Variants in CELF5 observed in about 807,000 individuals in gnomAD.
CELF5 encodes the protein CUGBP Elav-like family member 5.
Under a neutral mutation model 54.9 loss-of-function variants are expected in CELF5, and 6 were observed. The observed-to-expected ratio is 0.11, with a 90% CI of 0.06 to 0.22. The LOEUF (loss-of-function observed/expected upper bound fraction) is 0.22. Among genes scored for constraint, CELF5 ranks in the 10% least tolerant of loss-of-function variants. The pLI is 1.00. For synonymous variants in CELF5, 271 were observed against 290.9 expected (o/e 0.93, Z 0.70); for missense variants, 401 against 678.6 (o/e 0.59, Z 4.54).
chr19:3,246,401 T>G (rs1413057873), intron 1 of CELF5, among the ~76,000 whole-genome samples: 1 of 151,262 alleles, frequency 6.6e-6, no homozygotes, highest in Admixed American at 6.6e-5. Flanking sequence ...CTCTCTCATA[T>G]GTATATATAT....
chr19:3,279,983 A>G (rs868545943), intron 5 of CELF5, among the ~76,000 whole-genome samples: 1 of 152,104 alleles, frequency 6.6e-6, no homozygotes, highest in South Asian at 2.1e-4. Flanking sequence ...GATTACAGGC[A>G]TGAGCCACTG....
rs1568343177 is a variant in CELF5, at chr19:3,257,785, T to TTTATTTA, written c.342+6720_342+6721insATTTATT. The stretch of plus-strand genomic sequence containing the variant: ...GCCACCATGCCCAGCCTCCATTTTT[T>TTTATTTA]TTTATTTATTTATTTATTTATTTAT... On this transcript the variant is annotated intron_variant, in intron 2 of 12. Transcript: ENST00000292672. 4.5e-3 allele frequency among the ~76,000 whole-genome samples: 365 copies of TTTATTTA among 80,616 alleles called. 9 individuals are homozygous for TTTATTTA. The highest frequency in any genetic ancestry group is 0.027 in the Middle Eastern group (4 of 146). The allele number at this position is 80,616 out of a possible 152,430, so 52.9% of individuals were successfully genotyped here. A position where few individuals can be genotyped will look rare whatever the true frequency, so the allele number is the denominator to read the frequency against.
rs1917056985 is a variant in CELF5 at position 3,228,545 on chromosome 19, C to T, written c.259+3547C>T. ...CACTGGGCCCCCCGTTTATGGTAAT[C>T]GCATATACATTTGCATGTTAATGAC... On this transcript the variant is annotated intron_variant, in intron 1 of 12. Coordinates refer to ENST00000292672, the MANE Select transcript of CELF5 (RefSeq NM_021938.4). The surrounding 1 kb of genome is among the most constrained non-coding windows in gnomAD (Gnocchi z 6.0). Among the ~76,000 whole-genome samples, 1 of 151,938 alleles carries T rather than the reference C, an allele frequency of 6.6e-6. No individual in the cohort carries two copies. The highest frequency in any genetic ancestry group is 1.5e-5 in the Non-Finnish European group (1 of 68,010).
chr19:3,243,435 A>G (rs959484693), intron 1 of CELF5, among the ~76,000 whole-genome samples: 6 of 152,052 alleles, frequency 3.9e-5, no homozygotes, highest in Admixed American at 2.0e-4. Context: ...CACATGCCAC[A>G]ACACCCAGCT....
At chr19:3,284,691 T>A in intron 8 of CELF5, 1 of 582,296 alleles carries the variant, frequency 1.7e-6, no homozygotes, top group Non-Finnish European at 3.1e-6. Context: ...AAACCCGGAT[T>A]CCAGTTCAGC....
chr19:3,237,394 G>A (rs8103081), intron 1 of CELF5, among the ~76,000 whole-genome samples: 35,430 of 150,746 alleles, frequency 0.24, 4,163 homozygotes, highest in African/African-American at 0.28. Context: ...CTTGTTGGCA[G>A]TTTTTATGGT....
In CELF5 at chr19:3,292,412, T is replaced by C. The variant is rs1321089129; in HGVS notation, c.1331-907T>C. Among the ~76,000 whole-genome samples, 5 of 151,124 alleles carry C rather than the reference T, an allele frequency of 3.3e-5. No homozygotes were observed. In the Admixed American group the frequency reaches 3.3e-4, roughly 10 times the overall value. ...GATTCTCCTGCCTCAGCCTCCTGAG[T>C]AGCTGGGATTACGGGTGGACACTAC... On this transcript the variant is annotated intron_variant, in intron 11 of 12. Transcript: ENST00000292672.
At position 3,275,814 on chromosome 19, in the gene CELF5, G is replaced by A; in HGVS notation, c.395-42G>A. On this transcript the variant is annotated intron_variant, in intron 3 of 12. Transcript: ENST00000292672. The surrounding 1 kb of genome is among the most constrained non-coding windows in gnomAD (Gnocchi z 6.7). ...AGGGAGGAATCCCGGAGGCCCTCCC[G>A]GAGGCCGGGGACTCGGCTGAGGTGG... 2 of 1,579,248 alleles carry A rather than the reference G, an allele frequency of 1.3e-6. No individual in the cohort carries two copies. The highest frequency in any genetic ancestry group is 8.6e-7 in the Non-Finnish European group (1 of 1,156,774).
intron 2 of CELF5, among the ~76,000 whole-genome samples, chr19:3,254,717 A>G (rs1359848549): frequency 2.0e-5 from 3 of 150,404 alleles, no homozygotes; most frequent in Non-Finnish European, 3.0e-5. Context: ...CCATCCATCT[A>G]CCATTCATCC....
rs1254803497 is a variant in CELF5, at chr19:3,225,048, C to T, written c.259+50C>T. The stretch of plus-strand genomic sequence containing the variant: ...TCTCCCCCTCCCTCCGCCTCCCACC[C>T]CACCTTCCGGCATCTTCTCTCCCCC... On this transcript the variant is annotated intron_variant, in intron 1 of 12. Transcript: ENST00000292672. The T allele has an allele frequency of 2.3e-6, 3 of 1,288,886 alleles. No homozygotes were observed. In the African/African-American group the frequency reaches 4.8e-5, roughly 20 times the overall value. 79.8% of individuals were successfully genotyped at this position (1,288,886 alleles called of 1,614,324 possible). A position where few individuals can be genotyped will look rare whatever the true frequency, so the allele number is the denominator to read the frequency against.
At chr19:3,226,476 A>AC (rs1555715644) in intron 1 of CELF5, among the ~76,000 whole-genome samples, 29 of 150,974 alleles carry the variant, frequency 1.9e-4, no homozygotes, top group Non-Finnish European at 4.1e-4. Context: ...ACACACACAC[A>AC]AAATTGGGCC....
intron 1 of CELF5, among the ~76,000 whole-genome samples, chr19:3,245,261 G>T (rs1261479254): frequency 6.8e-6 from 1 of 147,102 alleles, no homozygotes; most frequent in Non-Finnish European, 1.5e-5. Flanking sequence ...TATGTGGTGT[G>T]TGTATGCATC....
At chr19:3,239,619 C>G (rs2079463009) in intron 1 of CELF5, among the ~76,000 whole-genome samples, 2 of 151,806 alleles carry the variant, frequency 1.3e-5, no homozygotes, top group African/African-American at 2.4e-5. Flanking sequence ...CAGGGAGCCA[C>G]CATTCAACCC....
rs1274639046 is a variant in CELF5 at position 3,228,274 on chromosome 19, A to G, written c.259+3276A>G. Reference sequence around the variant, plus strand: ...AAGACCACAAGCCTGCTCCTGCCAGAACTCCGCATCCAGAGAGCGGGGACC... The same window carrying G: ...AAGACCACAAGCCTGCTCCTGCCAGGACTCCGCATCCAGAGAGCGGGGACC... On this transcript the variant is annotated intron_variant, in intron 1 of 12. Transcript: ENST00000292672. The surrounding 1 kb of genome is among the most constrained non-coding windows in gnomAD (Gnocchi z 6.0). Among the ~76,000 whole-genome samples, 1 of 151,918 alleles carries G rather than the reference A, an allele frequency of 6.6e-6. No homozygotes were observed. Among genetic ancestry groups the G allele is most frequent in the Admixed American group, 6.6e-5 (1 of 15,258 alleles).
At chr19:3,265,086 C>T (rs562424902) in intron 2 of CELF5, among the ~76,000 whole-genome samples, 31 of 152,244 alleles carry the variant, frequency 2.0e-4, no homozygotes, top group Admixed American at 1.3e-4. Context: ...CCTGTAATCC[C>T]GGTGCTTTGG....
At chr19:3,235,061 C>T (rs570570701) in intron 1 of CELF5, among the ~76,000 whole-genome samples, 16 of 152,240 alleles carry the variant, frequency 1.1e-4, no homozygotes, top group African/African-American at 3.9e-4. Flanking sequence ...ATCCCCTGCC[C>T]CCTCTCTCCT....
In CELF5 at chr19:3,266,061, C is replaced by T. The variant is rs144277812; in HGVS notation, c.343-7811C>T. On this transcript the variant is annotated intron_variant, in intron 2 of 12. Transcript: ENST00000292672. ...ACCTCAGGTGATCTGCCCATCTTGA[C>T]CTCTGAAAGTGCTGGAATTACAGGC... is the stretch of plus-strand genomic sequence containing the variant. 2.6e-5 allele frequency among the ~76,000 whole-genome samples: 4 copies of T among 152,298 alleles called. No individual in the cohort carries two copies. The East Asian group carries it at 7.7e-4, about 29-fold the overall frequency.
At chr19:3,238,950 T>A (rs1313013047) in intron 1 of CELF5, among the ~76,000 whole-genome samples, 8 of 152,040 alleles carry the variant, frequency 5.3e-5, no homozygotes, top group Non-Finnish European at 2.9e-5. Flanking sequence ...AAAATAAAAA[T>A]TAAGGATGCT....
At position 3,278,300 on chromosome 19, in the gene CELF5, T is replaced by A. The variant is rs755954543; in HGVS notation, c.603+190T>A. 7.9e-5 allele frequency among the ~76,000 whole-genome samples: 12 copies of A among 151,734 alleles called. No individual in the cohort carries two copies. The highest frequency in any genetic ancestry group is 2.1e-4 in the South Asian group (1 of 4,802). On this transcript the variant is annotated intron_variant, in intron 5 of 12. Coordinates refer to ENST00000292672, the MANE Select transcript of CELF5 (RefSeq NM_021938.4). The surrounding 1 kb of genome is among the most constrained non-coding windows in gnomAD (Gnocchi z 4.5). Reference sequence around the variant, plus strand: ...CCTGGAGTGGGTATACACGTGTGAGTGTGTGCAGATGTGGAGGTGAGTAGG... The same window carrying A: ...CCTGGAGTGGGTATACACGTGTGAGAGTGTGCAGATGTGGAGGTGAGTAGG...
Sources: gnomAD v4.1 joint callset for allele counts (sites outside exome capture counted in the v4.1 genomes callset) on GRCh38, gnomAD v4.1.1 for gene constraint, Gnocchi (gnomAD v3.1) non-coding constraint, MANE v1.5 for transcripts, NCBI Gene and HGNC (gene_info 2026-07-23, HGNC 2026-07-21) for gene names.